Variants in GPR75 observed in about 807,000 individuals in gnomAD.
The protein encoded by GPR75 is probable G protein-coupled receptor 75.
In GPR75, 27 loss-of-function variants were observed where a neutral mutation model predicts 26.0. The ratio of observed to expected loss-of-function variants is 1.04; its 90% CI spans 0.77 to 1.43. The LOEUF is 1.43. GPR75 is among the 40% of genes most tolerant of loss of function. GPR75 has a pLI of 0.00. For missense variants in GPR75, 699 were observed against 662.3 expected (o/e 1.06, Z -0.61); for synonymous variants, 285 against 256.3 (o/e 1.11, Z -1.07).
At position 53,853,744 on chromosome 2, in the gene GPR75, C is replaced by T. The variant is rs890509541; in HGVS notation, c.1013G>A (p.Gly338Glu). ...LSVLVCCLPL[G>E]ISLVQVVLSS... is the part of the protein sequence containing the mutation. Reference sequence around the variant, plus strand: ...GAGAACCACCTGTACCAAGGAAATCCCCAGTGGAAGACAGCACACCAGGAC... The same window carrying T: ...GAGAACCACCTGTACCAAGGAAATCTCCAGTGGAAGACAGCACACCAGGAC... Residue 338 changes from glycine (G) to glutamate (E), a missense_variant, in exon 2 of 2, where the codon GGG becomes GAG. Physicochemically the swap from Gly to Glu is moderately conservative, Grantham distance 98. Coordinates refer to ENST00000394705, the MANE Select transcript of GPR75 (RefSeq NM_006794.4). 1 of 1,613,940 alleles carries T rather than the reference C, an allele frequency of 6.2e-7. No individual in the cohort carries two copies. Among genetic ancestry groups the T allele is most frequent in the African/African-American group, 1.3e-5 (1 of 74,880 alleles).
chr2:53,854,965 A>G (rs949991486), intron 1 of GPR75, 100 bp from the exon 2 acceptor site: 15 of 545,206 alleles, frequency 2.8e-5, no homozygotes, highest in Non-Finnish European at 4.5e-5. Context: ...TATTAGTACT[A>G]GTATCTCTCA....
chr2:53,853,847 G>T lies in GPR75; in HGVS notation c.910C>A (p.Gln304Lys). 1 of 1,614,136 alleles carries T rather than the reference G, an allele frequency of 6.2e-7. No individual in the cohort carries two copies. Among genetic ancestry groups the T allele is most frequent in the Non-Finnish European group, 8.5e-7 (1 of 1,179,990 alleles). Residue 304 changes from glutamine to lysine, a missense_variant, in exon 2 of 2, where the codon CAG becomes AAG. By Grantham distance (53) the Gln-to-Lys change is moderately conservative. Coordinates refer to ENST00000394705, the MANE Select transcript of GPR75 (RefSeq NM_006794.4). ...GAGAGGTTGATGGCTGATACGAGCT[G>T]GAGTCGGCTTGCTGCAGGGGTGACC... ...QLVTPAASRL[Q>K]LVSAINLSTA...
Position 53,854,646 on chromosome 2 carries a change from G to A in GPR75, c.111C>T (p.Ile37=). The A allele has an allele frequency of 1.2e-6, 2 of 1,614,102 alleles. No homozygotes were observed. The highest frequency in any genetic ancestry group is 1.3e-5 in the African/African-American group (1 of 75,036). The part of the protein sequence containing the change: ...TSLQEGLQDL[I]HTATLVTCTF... ...TACAGGTCACCAAGGTGGCTGTGTG[G>A]ATGAGATCCTGAAGACCCTCCTGGA... is the stretch of plus-strand genomic sequence containing the variant. The change falls in exon 2 of 2, where the codon ATC becomes ATT. Residue 37 remains isoleucine (I), a synonymous_variant. Transcript: ENST00000394705.
intron 1 of GPR75, among the ~76,000 whole-genome samples, chr2:53,859,347 A>G (rs905375081): frequency 1.3e-5 from 2 of 152,098 alleles, no homozygotes; most frequent in Non-Finnish European, 2.9e-5. Context: ...GTAGAACTAC[A>G]TTGAACCCGG....
At chr2:53,858,614 A>G (rs555109569) in intron 1 of GPR75, among the ~76,000 whole-genome samples, 1 of 152,192 alleles carries the variant, frequency 6.6e-6, no homozygotes, top group Non-Finnish European at 1.5e-5. Context: ...GAAATCAAGA[A>G]AATGGAGGGA....
rs755465695 is a variant in GPR75 at position 53,853,354 on chromosome 2, C to T, written c.1403G>A (p.Gly468Asp). The change falls in exon 2 of 2, where the codon GGT (glycine) becomes GAT (aspartate). Residue 468 changes from glycine (G) to aspartate (D), a missense_variant. Transcript: ENST00000394705. Reference sequence around the variant, plus strand: ...GTTGATGGGGGTCGAGCTGCTCTGACCACAGTGTTGATGTCCAGCAGAGAT... The same window carrying T: ...GTTGATGGGGGTCGAGCTGCTCTGATCACAGTGTTGATGTCCAGCAGAGAT... ...PKISAGHQHC[G>D]QSSSTPINTR... 2 of 1,614,058 alleles carry T rather than the reference C, an allele frequency of 1.2e-6. No homozygotes were observed. The highest frequency in any genetic ancestry group is 4.5e-5 in the East Asian group (2 of 44,890).
At position 53,852,949 on chromosome 2, in the gene GPR75, A is replaced by G. The variant is rs1311376341; in HGVS notation, c.*185T>C. On this transcript the variant is annotated 3_prime_UTR_variant, in exon 2 of 2. Coordinates refer to ENST00000394705, the MANE Select transcript of GPR75 (RefSeq NM_006794.4). ...ATCTAAAACTTTCACATCAAATCTT[A>G]AGATGTCAACAAACTACAAAGCAAA... 21 of 552,936 alleles carry G rather than the reference A, an allele frequency of 3.8e-5. No individual in the cohort carries two copies. In the South Asian group the frequency reaches 5.7e-4, roughly 15 times the overall value. The allele number at this position is 552,936 out of a possible 1,614,324, so 34.3% of individuals were successfully genotyped here.
chr2:53,856,946 A>ATTTTTT lies in GPR75; in HGVS notation c.-109-2087_-109-2082dup, dbSNP rs10665107. On this transcript the variant is annotated intron_variant, in intron 1 of 1. Transcript: ENST00000394705. ...TGATACCTATATAATGAGAAAGACA[A>ATTTTTT]TTTTTTTTTTTTTTTTTTTTTTTTT... Among the ~76,000 whole-genome samples the ATTTTTT allele has an allele frequency of 6.5e-3, 515 of 78,980 alleles. 57 individuals are homozygous for ATTTTTT. The highest frequency in any genetic ancestry group is 9.1e-3 in the Non-Finnish European group (406 of 44,652). 51.8% of individuals were successfully genotyped at this position (78,980 alleles called of 152,430 possible).
In GPR75 at chr2:53,853,069, A is replaced by T; in HGVS notation, c.*65T>A. 1 of 1,190,742 alleles carries T rather than the reference A, an allele frequency of 8.4e-7. No homozygotes were observed. The highest frequency in any genetic ancestry group is 1.2e-6 in the Non-Finnish European group (1 of 835,288). 73.8% of individuals were successfully genotyped at this position (1,190,742 alleles called of 1,614,324 possible). On this transcript the variant is annotated 3_prime_UTR_variant, in exon 2 of 2. Transcript: ENST00000394705. Reference sequence around the variant, plus strand: ...TTTGATCCGCCACTGATCTCAAGTTAGAATAAAGTCCATTACTATCAGAAA... The same window carrying T: ...TTTGATCCGCCACTGATCTCAAGTTTGAATAAAGTCCATTACTATCAGAAA...
Position 53,853,078 on chromosome 2 carries a change from T to TC in GPR75, c.*55dup. 1 of 1,269,110 alleles carries TC rather than the reference T, an allele frequency of 7.9e-7. No homozygotes were observed. The highest frequency in any genetic ancestry group is 1.1e-6 in the Non-Finnish European group (1 of 896,222). 78.6% of individuals were successfully genotyped at this position (1,269,110 alleles called of 1,614,324 possible). ...CCACTGATCTCAAGTTAGAATAAAG[T>TC]CCATTACTATCAGAAACAAAAACTG... On this transcript the variant is annotated 3_prime_UTR_variant, in exon 2 of 2. Coordinates refer to ENST00000394705, the MANE Select transcript of GPR75 (RefSeq NM_006794.4).
chr2:53,853,429 T>G lies in GPR75; in HGVS notation c.1328A>C (p.Asp443Ala), dbSNP rs1185254866. 1 of 1,614,030 alleles carries G rather than the reference T, an allele frequency of 6.2e-7. No homozygotes were observed. Among genetic ancestry groups the G allele is most frequent in the African/African-American group, 1.3e-5 (1 of 74,918 alleles). Residue 443 changes from aspartate (D) to alanine (A), a missense_variant, in exon 2 of 2, where the codon GAC (aspartate) becomes GCC (alanine). By Grantham distance (126) the Asp-to-Ala change is moderately radical (BLOSUM62 -2). Coordinates refer to ENST00000394705, the MANE Select transcript of GPR75 (RefSeq NM_006794.4). ...TGAATGACTTGGGCCACAAGCCTGGTCCACAAATTTCTTCTGTGGCTTTGG... is the reference window on the plus strand; with the variant it reads ...TGAATGACTTGGGCCACAAGCCTGGGCCACAAATTTCTTCTGTGGCTTTGG... ...LSPKPQKKFV[D>A]QACGPSHSKE...
chr2:53,859,211 C>A (rs1317356383), intron 1 of GPR75, among the ~76,000 whole-genome samples: 3 of 151,872 alleles, frequency 2.0e-5, no homozygotes. Flanking sequence ...CTAATCCTCA[C>A]AGAGAGCAAG....
chr2:53,856,013 C>A (rs1678216733), intron 1 of GPR75, among the ~76,000 whole-genome samples: 1 of 152,154 alleles, frequency 6.6e-6, no homozygotes, highest in Non-Finnish European at 1.5e-5. Flanking sequence ...ATGTGAGTTA[C>A]CATTATCCCA....
At chr2:53,858,474 ATAAAG>A (rs920063899) in intron 1 of GPR75, among the ~76,000 whole-genome samples, 6 of 151,900 alleles carry the variant, frequency 3.9e-5, no homozygotes, top group African/African-American at 1.5e-4. Flanking sequence ...TAGTTCACAT[ATAAAG>A]TAATCATAAA....
At position 53,859,967 on chromosome 2, in the gene GPR75, C is replaced by G. The variant is rs1366904043; in HGVS notation, c.-249G>C. Reference sequence around the variant, plus strand: ...GCGCATCCCGGGAGCCGCGGCAAGACGCGGGCGCAGAGGCGCAGTCACGGA... The same window carrying G: ...GCGCATCCCGGGAGCCGCGGCAAGAGGCGGGCGCAGAGGCGCAGTCACGGA... On this transcript the variant is annotated 5_prime_UTR_variant, in exon 1 of 2. Transcript: ENST00000394705. The G allele has an allele frequency of 5.1e-5, 75 of 1,465,874 alleles. 1 individual carries two copies. The highest frequency in any genetic ancestry group is 6.6e-5 in the Non-Finnish European group (73 of 1,109,086). 90.8% of individuals were successfully genotyped at this position (1,465,874 alleles called of 1,614,324 possible).
chr2:53,853,863 A>G lies in GPR75; in HGVS notation c.894T>C (p.Pro298=). 6.2e-7 allele frequency: 1 copy of G among 1,614,100 alleles called. No individual in the cohort carries two copies. ...ATACGAGCTGGAGTCGGCTTGCTGCAGGGGTGACCAGTTGGTTGGGACTCT... is the reference window on the plus strand; with the variant it reads ...ATACGAGCTGGAGTCGGCTTGCTGCGGGGGTGACCAGTTGGTTGGGACTCT... The part of the protein sequence containing the change: ...YTKSPNQLVT[P]AASRLQLVSA... The change falls in exon 2 of 2, where the codon CCT becomes CCC. Residue 298 remains proline (P), a synonymous_variant. Transcript: ENST00000394705.
chr2:53,857,388 G>A (rs1419737061), intron 1 of GPR75, among the ~76,000 whole-genome samples: 2 of 152,140 alleles, frequency 1.3e-5, no homozygotes, highest in Non-Finnish European at 2.9e-5. Context: ...AGGTGATACT[G>A]GTGTCTCTAA....
In GPR75 at chr2:53,859,877, C is replaced by T. The variant is rs764806211; in HGVS notation, c.-159G>A. 9.3e-5 allele frequency: 142 copies of T among 1,532,132 alleles called. 1 individual carries two copies. The South Asian group carries it at 1.5e-3, about 17-fold the overall frequency. 94.9% of individuals were successfully genotyped at this position (1,532,132 alleles called of 1,614,324 possible). ...CCTCCTCCATCTCGCAGTCCGGACC[C>T]CAGCTCCGCCTGCCGCTCTGGATGA... On this transcript the variant is annotated 5_prime_UTR_variant, in exon 1 of 2. Coordinates refer to ENST00000394705, the MANE Select transcript of GPR75 (RefSeq NM_006794.4).
In GPR75 at chr2:53,854,422, C is replaced by A. The variant is rs200920601; in HGVS notation, c.335G>T (p.Ser112Ile). Residue 112 changes from serine (S) to isoleucine (I), a missense_variant, in exon 2 of 2, where the codon AGT (serine) becomes ATT (isoleucine). Transcript: ENST00000394705. ...AGTGAAGCAGAAAGCATCCGGGATACTACTGGCTGAGCTGAAGAATAACAC... is the reference window on the plus strand; with the variant it reads ...AGTGAAGCAGAAAGCATCCGGGATAATACTGGCTGAGCTGAAGAATAACAC... The part of the protein sequence containing the change: ...TFVLFFSSAS[S>I]IPDAFCFTFH... 6.2e-7 allele frequency: 1 copy of A among 1,614,100 alleles called. No homozygotes were observed. The highest frequency in any genetic ancestry group is 1.3e-5 in the African/African-American group (1 of 75,038).
Sources: allele counts gnomAD v4.1 joint callset (sites outside exome capture counted in the v4.1 genomes callset), GRCh38; gene constraint gnomAD v4.1.1; transcripts MANE v1.5; gene names NCBI Gene and HGNC (gene_info 2026-07-23, HGNC 2026-07-21).